Variants in DLC1 observed in about 807,000 individuals in gnomAD.
DLC1 encodes the protein rho GTPase-activating protein 7.
A neutral mutation model predicts 140.3 loss-of-function variants in DLC1; 54 were observed. The observed-to-expected ratio is 0.38, with a 90% confidence interval of 0.31 to 0.48. The LOEUF is 0.48. Ranked by LOEUF, DLC1 falls within the 20% of genes least tolerant of loss-of-function variation. The pLI is 0.96. For synonymous variants in DLC1, 986 were observed against 728.1 expected, an observed-to-expected ratio of 1.35 and a Z score of -5.70; for missense variants, 2,536 against 1,907.0, an observed-to-expected ratio of 1.33 and a Z score of -6.14.
Position 13,100,541 on chromosome 8 carries a change from C to G in DLC1, c.1796G>C (p.Ser599Thr). 1 of 1,612,978 alleles carries G rather than the reference C, an allele frequency of 6.2e-7. No homozygotes were observed. Residue 599 changes from serine (S) to threonine (T), a missense_variant, in exon 9 of 18, where the codon AGC (serine) becomes ACC (threonine). Transcript: ENST00000276297. Reference sequence around the variant, plus strand: ...CGCGTGGCTGGGGAGGCTGCCAGTGCTGCTGAGGCTGCGGACGGAAGACAC... The same window carrying G: ...CGCGTGGCTGGGGAGGCTGCCAGTGGTGCTGAGGCTGCGGACGGAAGACAC... ...QEVSSVRSLS[S>T]TGSLPSHAPP...
chr8:13,571,157 G>C (rs527996615), intron 1 of DLC1, among the ~76,000 whole-genome samples: 54 of 152,266 alleles, frequency 3.5e-4, no homozygotes, highest in South Asian at 1.9e-3. Context: ...ACCAAAGATA[G>C]TTTATTATGT....
At chr8:13,542,218 T>C (rs368891729) in intron 1 of DLC1, among the ~76,000 whole-genome samples, 4 of 152,236 alleles carry the variant, frequency 2.6e-5, no homozygotes, top group African/African-American at 9.6e-5. Flanking sequence ...GCCTGTGTTC[T>C]ATTTAGAGAC....
intron 4 of DLC1, among the ~76,000 whole-genome samples, chr8:13,383,636 T>G (rs565143080): frequency 3.9e-4 from 60 of 152,274 alleles, no homozygotes; most frequent in African/African-American, 1.3e-3. Flanking sequence ...TTTCCAACAT[T>G]GAACAGGGCT....
rs75060349 is a variant in DLC1, at chr8:13,499,284, G to T, written c.788C>A (p.Thr263Lys). The T allele has an allele frequency of 1.9e-6, 3 of 1,614,126 alleles. No homozygotes were observed. The East Asian group carries it at 6.7e-5, about 36-fold the overall frequency. ...VQNEFLDTPC[T>K]NRGLPLLKTD... ...TTTTAATAATGGCAGTCCTCTGTTT[G>T]TGCAAGGAGTATCCAAGAACTCATT... The change falls in exon 2 of 18, where the codon ACA (threonine) becomes AAA (lysine). Residue 263 changes from threonine to lysine, a missense_variant. Coordinates refer to ENST00000276297, the MANE Select transcript of DLC1 (RefSeq NM_182643.3).
At chr8:13,413,256 A>ACTTTTTTTTTTTTTTTTTTTTTTT in intron 2 of DLC1, among the ~76,000 whole-genome samples, 1 of 82,006 alleles carries the variant, frequency 1.2e-5, no homozygotes, top group Non-Finnish European at 2.3e-5. Context: ...TTTTTTTGCG[A>ACTTTTTTTTTTTTTTTTTTTTTTT]TTTTTTTTTT....
At chr8:13,279,579 A>G (rs1586062054) in intron 5 of DLC1, among the ~76,000 whole-genome samples, 1 of 152,230 alleles carries the variant, frequency 6.6e-6, no homozygotes, top group East Asian at 1.9e-4. Flanking sequence ...AGGTTTTACC[A>G]TAGGCCAACG....
chr8:13,457,025 T>C (rs563371069), intron 2 of DLC1, among the ~76,000 whole-genome samples: 1 of 152,326 alleles, frequency 6.6e-6, no homozygotes, highest in East Asian at 1.9e-4. Flanking sequence ...AGATAATCTG[T>C]ATTACATTGA....
intron 5 of DLC1, among the ~76,000 whole-genome samples, chr8:13,297,020 A>T (rs1831984268): frequency 6.6e-6 from 1 of 152,010 alleles, no homozygotes; most frequent in Admixed American, 6.6e-5. Context: ...ACAGAAAATG[A>T]AGAAATATTT....
chr8:13,153,945 T>G (rs920112415), intron 5 of DLC1, among the ~76,000 whole-genome samples: 2 of 152,094 alleles, frequency 1.3e-5, no homozygotes, highest in Non-Finnish European at 2.9e-5. Flanking sequence ...CTGATTGGTG[T>G]GTTTACAAAC....
intron 5 of DLC1, among the ~76,000 whole-genome samples, chr8:13,117,812 C>T (rs1227315241): frequency 6.6e-6 from 1 of 152,218 alleles, no homozygotes; most frequent in Non-Finnish European, 1.5e-5. Flanking sequence ...ATTCACTAGC[C>T]AATCCTGCCA....
intron 2 of DLC1, among the ~76,000 whole-genome samples, chr8:13,410,798 C>A (rs896348571): frequency 6.6e-6 from 1 of 152,098 alleles, no homozygotes; most frequent in Non-Finnish European, 1.5e-5. Flanking sequence ...TCGTCAGCCC[C>A]ACAAGGGTAA....
chr8:13,371,233 A>G (rs547479201), intron 4 of DLC1, among the ~76,000 whole-genome samples: 4 of 152,122 alleles, frequency 2.6e-5, no homozygotes, highest in South Asian at 2.1e-4. Context: ...CCTCTTTGCT[A>G]TTACCTCAGT....
At chr8:13,210,842 A>G (rs1194688647) in intron 5 of DLC1, among the ~76,000 whole-genome samples, 1 of 152,190 alleles carries the variant, frequency 6.6e-6, no homozygotes, top group Non-Finnish European at 1.5e-5. Context: ...TGCCGCTTTT[A>G]AGTCTCTTTC....
chr8:13,110,670 A>C, intron 7 of DLC1, 72 bp downstream of exon 7: 1 of 1,418,748 alleles, frequency 7.0e-7, no homozygotes, highest in Admixed American at 1.9e-5. Flanking sequence ...AAGCAAACAA[A>C]GCCTATCTTT....
At chr8:13,209,526 C>T (rs1194757544) in intron 5 of DLC1, among the ~76,000 whole-genome samples, 1 of 151,832 alleles carries the variant, frequency 6.6e-6, no homozygotes, top group Non-Finnish European at 1.5e-5. Flanking sequence ...ATAGCAAAAC[C>T]CTGTGATACA....
upstream of DLC1, among the ~76,000 whole-genome samples, chr8:13,519,784 A>T (rs567641854): frequency 2.0e-5 from 3 of 152,322 alleles, no homozygotes; most frequent in South Asian, 6.2e-4. Flanking sequence ...TTACAAGAAA[A>T]AAACAACCCC....
chr8:13,204,320 G>T (rs1165575236), intron 5 of DLC1, among the ~76,000 whole-genome samples: 1 of 152,124 alleles, frequency 6.6e-6, no homozygotes, highest in Non-Finnish European at 1.5e-5. Flanking sequence ...GAAAAGAGCA[G>T]CTGTCTTTAC....
intron 1 of DLC1, among the ~76,000 whole-genome samples, chr8:13,578,842 T>G (rs1804941636): frequency 6.6e-6 from 1 of 152,060 alleles, no homozygotes; most frequent in South Asian, 2.1e-4. Flanking sequence ...CCTTTAGGTT[T>G]TCTGTGGAGA....
At position 13,095,144 on chromosome 8, in the gene DLC1, G is replaced by T; in HGVS notation, c.3269C>A (p.Pro1090Gln). ...GGCCTGCTGGATGCTCTGAGGCAAC[G>T]GTTGTCCTGTGCGCTGCACGTTGAC... The part of the protein sequence containing the change: ...LTVNVQRTGQ[P>Q]LPQSIQQAMR... Residue 1090 changes from proline to glutamine, a missense_variant, in exon 11 of 18, where the codon CCG becomes CAG. Transcript: ENST00000276297. The T allele has an allele frequency of 6.2e-7, 1 of 1,614,250 alleles. No individual in the cohort carries two copies. Among genetic ancestry groups the T allele is most frequent in the Non-Finnish European group, 8.5e-7 (1 of 1,180,054 alleles).
Sources: allele counts gnomAD v4.1 joint callset (sites outside exome capture counted in the v4.1 genomes callset), GRCh38; gene constraint gnomAD v4.1.1; transcripts MANE v1.5; gene names NCBI Gene and HGNC (gene_info 2026-07-23, HGNC 2026-07-21).